The following CSMD3 variants were observed in gnomAD, a reference collection of about 807,000 sequenced individuals.
The protein encoded by CSMD3 is CUB and sushi domain-containing protein 3.
Under a neutral mutation model 435.2 loss-of-function variants are expected in CSMD3, and 177 were observed. The observed-to-expected ratio is 0.41, with a 90% CI of 0.36 to 0.46. The LOEUF (loss-of-function observed/expected upper bound fraction) is 0.46, where lower values mean the gene tolerates loss of function less well. CSMD3 is among the 20% of genes least tolerant of loss of function. The pLI is 0.34. For missense variants in CSMD3, 4,265 were observed against 4,504.6 expected, an observed-to-expected ratio of 0.95 and a Z score of 1.52; for synonymous variants, 1,656 against 1,520.5, an observed-to-expected ratio of 1.09 and a Z score of -2.07.
chr8:112,882,945 A>T (rs900517701), intron 10 of CSMD3, among the ~76,000 whole-genome samples: 1 of 152,026 alleles, frequency 6.6e-6, no homozygotes, highest in East Asian at 1.9e-4. Context: ...GAAAAAATAC[A>T]CAAAAGCTCA....
At chr8:112,811,438 G>A (rs2079225744) in intron 12 of CSMD3, among the ~76,000 whole-genome samples, 1 of 151,938 alleles carries the variant, frequency 6.6e-6, no homozygotes, top group Non-Finnish European at 1.5e-5. Flanking sequence ...TTCTAAGAAT[G>A]TCCTTCTTAG....
chr8:113,350,237 G>A (rs2094181085), intron 1 of CSMD3, among the ~76,000 whole-genome samples: 1 of 151,956 alleles, frequency 6.6e-6, no homozygotes, highest in African/African-American at 2.4e-5. Flanking sequence ...TGGTAAGACA[G>A]AATGAATCGT....
At chr8:112,319,624 A>G (rs1022161100) in intron 46 of CSMD3, among the ~76,000 whole-genome samples, 2 of 152,198 alleles carry the variant, frequency 1.3e-5, no homozygotes, top group Non-Finnish European at 2.9e-5. Flanking sequence ...CAGCAAAATA[A>G]TAGTTTGGAA....
At chr8:112,319,752 C>T (rs1822815523) in intron 46 of CSMD3, 149 bp downstream of exon 46, 1 of 683,178 alleles carries the variant, frequency 1.5e-6, no homozygotes, top group Non-Finnish European at 2.7e-6. Context: ...TTCACTCCTT[C>T]TCCCTTCTTA....
intron 13 of CSMD3, among the ~76,000 whole-genome samples, chr8:112,724,267 A>G (rs944200222): frequency 6.6e-6 from 1 of 152,006 alleles, no homozygotes; most frequent in African/African-American, 2.4e-5. Context: ...GTCTAAGTGA[A>G]GAAGAGTGAG....
chr8:112,968,976 T>C (rs1057399532), intron 7 of CSMD3, among the ~76,000 whole-genome samples: 1 of 151,994 alleles, frequency 6.6e-6, no homozygotes, highest in African/African-American at 2.4e-5. Context: ...ACAGTGTTAG[T>C]TGCTTGCAAA....
intron 3 of CSMD3, among the ~76,000 whole-genome samples, chr8:113,246,931 A>G (rs1279450664): frequency 6.6e-6 from 1 of 152,176 alleles, no homozygotes; most frequent in Non-Finnish European, 1.5e-5. Flanking sequence ...TGGGATACAC[A>G]TGCAATGCTC....
At chr8:113,386,250 G>T (rs907843617) in intron 1 of CSMD3, among the ~76,000 whole-genome samples, 1 of 151,902 alleles carries the variant, frequency 6.6e-6, no homozygotes, top group African/African-American at 2.4e-5. Context: ...AAGAGTGGGG[G>T]TAGTAGATGT....
intron 3 of CSMD3, among the ~76,000 whole-genome samples, chr8:113,275,482 TAC>T (rs2093562818): frequency 6.6e-6 from 1 of 152,094 alleles, no homozygotes; most frequent in African/African-American, 2.4e-5. Context: ...TAGATTTTAA[TAC>T]AGTCTCCAGA....
At chr8:113,175,171 T>C (rs931823133) in intron 3 of CSMD3, among the ~76,000 whole-genome samples, 1 of 151,796 alleles carries the variant, frequency 6.6e-6, no homozygotes, top group African/African-American at 2.4e-5. Context: ...GTTCACAATA[T>C]ATAGCTTAAT....
At chr8:112,940,682 G>C (rs537060096) in intron 9 of CSMD3, among the ~76,000 whole-genome samples, 48 of 151,894 alleles carry the variant, frequency 3.2e-4, no homozygotes, top group Middle Eastern at 3.4e-3. Context: ...ACCTAGGAGA[G>C]TAGAGCACAA....
chr8:112,865,685 C>T (rs1341968787), intron 10 of CSMD3, among the ~76,000 whole-genome samples: 1 of 23,688 alleles, frequency 4.2e-5, no homozygotes, highest in Admixed American at 4.5e-4. Flanking sequence ...CTTTACATAC[C>T]CCACACACAC....
intron 42 of CSMD3, among the ~76,000 whole-genome samples, chr8:112,341,205 C>G (rs982481350): frequency 1.3e-5 from 2 of 151,922 alleles, no homozygotes; most frequent in Non-Finnish European, 2.9e-5. Context: ...TTTGCCATGC[C>G]TTGCTTAATT....
intron 2 of CSMD3, among the ~76,000 whole-genome samples, chr8:113,298,629 C>A (rs979530637): frequency 6.6e-6 from 1 of 152,034 alleles, no homozygotes; most frequent in Non-Finnish European, 1.5e-5. Context: ...GAGAAGAAAA[C>A]CTCAAAATAA....
At chr8:112,356,414 C>T (rs1826604422) in intron 38 of CSMD3, among the ~76,000 whole-genome samples, 1 of 152,158 alleles carries the variant, frequency 6.6e-6, no homozygotes, top group East Asian at 1.9e-4. Flanking sequence ...GCATAAAAAA[C>T]CAAATACCAC....
chr8:113,348,499 C>G (rs1010108483), intron 1 of CSMD3, among the ~76,000 whole-genome samples: 7 of 152,014 alleles, frequency 4.6e-5, no homozygotes, highest in Non-Finnish European at 1.0e-4. Context: ...TACTAGGAAA[C>G]CCAGCTTTGA....
chr8:112,967,487 C>A (rs2130892964), intron 7 of CSMD3, among the ~76,000 whole-genome samples: 1 of 151,772 alleles, frequency 6.6e-6, no homozygotes, highest in East Asian at 1.9e-4. Flanking sequence ...CTTTTTTTAA[C>A]TAGCTGTTTT....
At chr8:113,110,033 G>A (rs1003226547) in intron 4 of CSMD3, among the ~76,000 whole-genome samples, 1 of 152,272 alleles carries the variant, frequency 6.6e-6, no homozygotes, top group African/African-American at 2.4e-5. Context: ...CTTTGAAATT[G>A]TTCTCCTCCC....
chr8:113,303,251 G>A (rs993648889), intron 2 of CSMD3, among the ~76,000 whole-genome samples: 9 of 130,594 alleles, frequency 6.9e-5, no homozygotes, highest in African/African-American at 2.7e-4. Flanking sequence ...ACTGCTCAAG[G>A]AAATAAAAGA....
Sources: allele counts gnomAD v4.1 joint callset (sites outside exome capture counted in the v4.1 genomes callset), GRCh38; gene constraint gnomAD v4.1.1; transcripts MANE v1.5; gene names NCBI Gene and HGNC (gene_info 2026-07-23, HGNC 2026-07-21).